The following EFHC2 variants were observed in gnomAD, a reference collection of about 807,000 sequenced individuals.
EFHC2 encodes the protein EF-hand domain containing 2.
Under a neutral mutation model 52.7 loss-of-function variants are expected in EFHC2, and 18 were observed. The ratio of observed to expected loss-of-function variants is 0.34; its 90% CI spans 0.24 to 0.51. The LOEUF is 0.51. Ranked by LOEUF, EFHC2 falls within the 20% of genes least tolerant of loss-of-function variation. The pLI is 0.97. For missense variants in EFHC2, 513 were observed against 562.5 expected (o/e 0.91, Z 0.89); for synonymous variants, 203 against 204.1 (o/e 0.99, Z 0.04).
intron 14 of EFHC2, among the ~76,000 whole-genome samples, chrX:44,151,119 C>T (rs1032869910): frequency 3.6e-5 from 4 of 110,884 alleles, no homozygotes; most frequent in Non-Finnish European, 7.5e-5. Flanking sequence ...GATTCCCACA[C>T]AGGTTTCAGA....
chrX:44,263,802 G>T, intron 3 of EFHC2, among the ~76,000 whole-genome samples: 1 of 111,824 alleles, frequency 8.9e-6, no homozygotes, highest in Middle Eastern at 4.6e-3. Context: ...ACAGTCAGGA[G>T]CTTCTTCAAA....
intron 11 of EFHC2, among the ~76,000 whole-genome samples, chrX:44,185,710 A>C (rs1030300456): frequency 9.1e-6 from 1 of 109,956 alleles, no homozygotes; most frequent in Non-Finnish European, 1.9e-5. Context: ...CTAATTTTTA[A>C]ACTTTCTTGT....
rs1233836238 is a variant in EFHC2, at chrX:44,241,996, A to T, written c.1280+125T>A. 8 of 671,698 alleles carry T rather than the reference A, an allele frequency of 1.2e-5. No individual in the cohort carries two copies. The Admixed American group carries it at 1.4e-4, about 12-fold the overall frequency. The allele number at this position is 671,698 out of a possible 1,213,427, so 55.4% of individuals were successfully genotyped here. On this transcript the variant is annotated intron_variant, in intron 8 of 14. Transcript: ENST00000420999. The stretch of plus-strand genomic sequence containing the variant: ...TTAATCAACCTCATTAAAAGCCTAT[A>T]ATAATGTCTCCCTGGACTTGCAATT...
At chrX:44,259,035 A>C (rs897921137) in intron 4 of EFHC2, among the ~76,000 whole-genome samples, 4 of 111,211 alleles carry the variant, frequency 3.6e-5, no homozygotes, top group Non-Finnish European at 7.5e-5. Flanking sequence ...TTGACCCAGC[A>C]ATCCCATTAC....
At chrX:44,186,450 A>G (rs1459234351) in intron 11 of EFHC2, among the ~76,000 whole-genome samples, 1 of 111,915 alleles carries the variant, frequency 8.9e-6, no homozygotes, top group Middle Eastern at 4.3e-3. Flanking sequence ...TATTCATTTC[A>G]TTTACAAGCA....
In EFHC2 at chrX:44,312,643, C is replaced by T. The variant is rs181455405; in HGVS notation, c.156G>A (p.Lys52=). ...GATATATGCTACATTTAGGCTTTAT[C>T]TTTTGCCCCAGAAGTGGTTCTCCAC... The part of the protein sequence containing the change: ...GIGGEPLLGQ[K]IKPKCSIYPK... The change falls in exon 2 of 15, where the codon AAG becomes AAA. Residue 52 remains lysine, a synonymous_variant. Coordinates refer to ENST00000420999, the MANE Select transcript of EFHC2 (RefSeq NM_025184.4). 4.1e-4 allele frequency: 500 copies of T among 1,208,694 alleles called. 3 individuals carry two copies. The East Asian group carries it at 0.014, about 33-fold the overall frequency.
At chrX:44,287,447 G>A (rs950204018) in intron 2 of EFHC2, among the ~76,000 whole-genome samples, 1 of 111,548 alleles carries the variant, frequency 9.0e-6, no homozygotes, top group African/African-American at 3.3e-5. Context: ...TTTAGGAAGG[G>A]GAGTGAGCAA....
At chrX:44,263,595 C>T (rs2037556522) in intron 3 of EFHC2, among the ~76,000 whole-genome samples, 1 of 111,861 alleles carries the variant, frequency 8.9e-6, no homozygotes, top group Non-Finnish European at 1.9e-5. Flanking sequence ...AAAAATTATA[C>T]TTCAATTAGC....
At chrX:44,161,412 C>CA (rs1193443262) in intron 14 of EFHC2, among the ~76,000 whole-genome samples, 2 of 111,834 alleles carry the variant, frequency 1.8e-5, no homozygotes, top group Non-Finnish European at 3.8e-5. Context: ...GGGTGGTTAC[C>CA]AGCGCCTGGA....
At chrX:44,193,401 T>C (rs751000653) in intron 11 of EFHC2, among the ~76,000 whole-genome samples, 264 of 111,215 alleles carry the variant, frequency 2.4e-3, no homozygotes, top group Middle Eastern at 4.6e-3. Context: ...GGCTCTGTCA[T>C]GGGCATGTCC....
chrX:44,235,360 T>C lies in EFHC2; in HGVS notation c.1368A>G (p.Ser456=). Residue 456 remains serine (S), a synonymous_variant, in exon 9 of 15, where the codon TCA becomes TCG. Coordinates refer to ENST00000420999, the MANE Select transcript of EFHC2 (RefSeq NM_025184.4). Reference sequence around the variant, plus strand: ...AAATGGTGTCATCACCGAGATAATATGAAATAACAAACATCCTGTCCAAGT... The same window carrying C: ...AAATGGTGTCATCACCGAGATAATACGAAATAACAAACATCCTGTCCAAGT... ...CVDLDRMFVI[S]YYLGDDTISV... The C allele has an allele frequency of 2.5e-6, 3 of 1,192,805 alleles. No individual in the cohort carries two copies. The highest frequency in any genetic ancestry group is 3.4e-6 in the Non-Finnish European group (3 of 885,376).
intron 11 of EFHC2, among the ~76,000 whole-genome samples, chrX:44,181,401 A>G (rs2036834864): frequency 9.0e-6 from 1 of 111,283 alleles, no homozygotes; most frequent in Non-Finnish European, 1.9e-5. Context: ...ATATGGCGTG[A>G]AGAAGAGAAA....
chrX:44,326,695 C>G (rs1398952375), intron 1 of EFHC2, among the ~76,000 whole-genome samples: 7 of 106,881 alleles, frequency 6.5e-5, no homozygotes, highest in Non-Finnish European at 9.6e-5. Flanking sequence ...TATCATCATC[C>G]CTATTTTATG....
intron 2 of EFHC2, among the ~76,000 whole-genome samples, chrX:44,278,146 G>T (rs770796148): frequency 1.8e-5 from 2 of 112,277 alleles, no homozygotes; most frequent in South Asian, 7.3e-4. Context: ...AGGCCAAGGT[G>T]AGTGGATAAC....
At chrX:44,177,415 G>A (rs1211110989) in intron 12 of EFHC2, among the ~76,000 whole-genome samples, 2 of 112,498 alleles carry the variant, frequency 1.8e-5, no homozygotes, top group Non-Finnish European at 3.8e-5. Flanking sequence ...AAGGCAAGAA[G>A]TCACAAGGAA....
chrX:44,203,082 T>C (rs1178531651), intron 11 of EFHC2, among the ~76,000 whole-genome samples: 1 of 111,781 alleles, frequency 8.9e-6, no homozygotes, highest in Non-Finnish European at 1.9e-5. Context: ...TGAAAGTGAA[T>C]GTGCACTGAA....
At chrX:44,174,810 C>G (rs993416188) in intron 13 of EFHC2, among the ~76,000 whole-genome samples, 1 of 111,095 alleles carries the variant, frequency 9.0e-6, no homozygotes, top group East Asian at 2.8e-4. Flanking sequence ...AGTTCCTTCA[C>G]GGCAGGATCC....
Position 44,168,536 on chromosome X carries a change from GA to G in EFHC2, c.2043-4510del, listed in dbSNP as rs138015039. 6.3e-3 allele frequency among the ~76,000 whole-genome samples: 531 copies of G among 84,836 alleles called. 1 individual carries two copies. Among genetic ancestry groups the G allele is most frequent in the African/African-American group, 0.016 (388 of 23,728 alleles). 73.7% of individuals were successfully genotyped at this position (84,836 alleles called of 115,157 possible). ...GACAGAGCGAGACTCCGTCTCAAAA[GA>G]AAAAAAAAAAAAAGAAAGCAAGAGC... On this transcript the variant is annotated intron_variant, in intron 13 of 14. Coordinates refer to ENST00000420999, the MANE Select transcript of EFHC2 (RefSeq NM_025184.4).
chrX:44,222,445 A>G (rs187437758), intron 11 of EFHC2, among the ~76,000 whole-genome samples: 138 of 112,267 alleles, frequency 1.2e-3, no homozygotes, highest in African/African-American at 4.4e-3. Context: ...CATACAAAAT[A>G]TAACTGCCAG....
Sources: gnomAD v4.1 joint callset for allele counts (sites outside exome capture counted in the v4.1 genomes callset) on GRCh38, gnomAD v4.1.1 for gene constraint, MANE v1.5 for transcripts, NCBI Gene and HGNC (gene_info 2026-07-23, HGNC 2026-07-21) for gene names.